Variants in FOXP1 observed in about 807,000 individuals in gnomAD.
FOXP1 encodes the protein forkhead box protein P1.
Under a neutral mutation model 98.2 loss-of-function variants are expected in FOXP1, and 15 were observed. The observed-to-expected ratio is 0.15, with a 90% CI of 0.10 to 0.24. FOXP1 has a LOEUF of 0.24. Among genes scored for constraint, FOXP1 ranks in the 10% least tolerant of loss-of-function variants. The pLI is 1.00. For missense variants in FOXP1, 633 were observed against 848.5 expected (o/e 0.75, Z 3.15); for synonymous variants, 371 against 314.5 (o/e 1.18, Z -1.90).
intron 4 of FOXP1, among the ~76,000 whole-genome samples, chr3:71,315,295 A>G (rs778977128): frequency 1.7e-4 from 26 of 152,126 alleles, no homozygotes; most frequent in Admixed American, 4.6e-4. Flanking sequence ...TTTATCAGCA[A>G]CAGAAATTAA....
At chr3:71,078,555 G>A (rs1475027815) in intron 7 of FOXP1, among the ~76,000 whole-genome samples, 7 of 152,036 alleles carry the variant, frequency 4.6e-5, no homozygotes, top group Non-Finnish European at 1.0e-4. Context: ...AGCTACTCCA[G>A]GGTTTTAAAA....
intron 7 of FOXP1, among the ~76,000 whole-genome samples, chr3:71,109,378 T>C (rs2057718450): frequency 1.3e-5 from 2 of 152,174 alleles, no homozygotes; most frequent in South Asian, 4.1e-4. Context: ...AGCAGGGAAG[T>C]GTGAGATATG....
chr3:71,364,711 A>T (rs1412788042), intron 3 of FOXP1, among the ~76,000 whole-genome samples: 1 of 152,246 alleles, frequency 6.6e-6, no homozygotes, highest in Non-Finnish European at 1.5e-5. Context: ...TACAACTGGT[A>T]GAACATCAGA....
intron 2 of FOXP1, among the ~76,000 whole-genome samples, chr3:71,550,753 T>G (rs756150358): frequency 1.3e-5 from 2 of 152,218 alleles, no homozygotes; most frequent in East Asian, 3.8e-4. Flanking sequence ...CACCAGCTCA[T>G]ATATTCGGGT....
rs727503936 is a variant in FOXP1 at position 70,977,848 on chromosome 3, T to C, written c.1328A>G (p.Tyr443Cys). Reference sequence around the variant, plus strand: ...TCTACCTGACGAAATGGGCACGTTGTATTTGTCTGAGTACCGCCTGCGGAT... The same window carrying C: ...TCTACCTGACGAAATGGGCACGTTGCATTTGTCTGAGTACCGCCTGCGGAT... ...GPIRRRYSDK[Y>C]NVPISSADIA... The change falls in exon 15 of 21, where the codon TAC becomes TGC. Residue 443 changes from tyrosine to cysteine, a missense_variant. Physicochemically the swap from Tyr to Cys is radical, Grantham distance 194. Transcript: ENST00000649528. 36 of 1,614,048 alleles carry C rather than the reference T, an allele frequency of 2.2e-5. No homozygotes were observed. Among genetic ancestry groups the C allele is most frequent in the Non-Finnish European group, 2.7e-5 (32 of 1,180,038 alleles).
At position 70,965,893 on chromosome 3, in the gene FOXP1, G is replaced by A. The variant is rs754297044; in HGVS notation, c.1886C>T (p.Ala629Val). 1.2e-6 allele frequency: 2 copies of A among 1,613,736 alleles called. No homozygotes were observed. Among genetic ancestry groups the A allele is most frequent in the East Asian group, 2.2e-5 (1 of 44,884 alleles). The change falls in exon 20 of 21, where the codon GCC (alanine) becomes GTC (valine). Residue 629 changes from alanine (A) to valine (V), a missense_variant. By Grantham distance (64) the Ala-to-Val change is moderately conservative. Transcript: ENST00000649528. ...DSSPGRSPMQ[A>V]VHPVHVKEEP... ...CTGTTGGGTGGACAATACTCACACG[G>A]CTTGCATAGGAGATCTGCCTGGACT...
intron 3 of FOXP1, among the ~76,000 whole-genome samples, chr3:71,381,987 A>G (rs539968510): frequency 2.6e-5 from 4 of 151,168 alleles, no homozygotes; most frequent in Admixed American, 1.3e-4. Flanking sequence ...GCCTTTAAAA[A>G]TATGAAAACA....
intron 6 of FOXP1, among the ~76,000 whole-genome samples, chr3:71,182,428 T>C (rs576837551): frequency 6.6e-6 from 1 of 152,288 alleles, no homozygotes; most frequent in Admixed American, 6.5e-5. Flanking sequence ...AAAATAACTG[T>C]TCATTTTTAT....
At chr3:71,091,527 C>CAAAA (rs553093199) in intron 7 of FOXP1, among the ~76,000 whole-genome samples, 3 of 146,006 alleles carry the variant, frequency 2.1e-5, no homozygotes, top group Non-Finnish European at 4.5e-5. Flanking sequence ...AACAAACAAA[C>CAAAA]AAAAAAAAAA....
rs1182704902 is a variant in FOXP1, at chr3:71,053,653, C to CCTG, written c.400_402dup (p.Gln134dup). ...ACAATTACCTGTTGAAGCATGAGGG[C>CCTG]CTGCTGCTGCTGGAGGAGAACCTGG... On this transcript the variant is annotated inframe_insertion, in exon 8 of 21. Coordinates refer to ENST00000649528, the MANE Select transcript of FOXP1 (RefSeq NM_001349338.3). 1 of 1,613,906 alleles carries CCTG rather than the reference C, an allele frequency of 6.2e-7. No individual in the cohort carries two copies. The highest frequency in any genetic ancestry group is 8.5e-7 in the Non-Finnish European group (1 of 1,179,998).
chr3:71,029,601 G>A (rs1053939456), intron 11 of FOXP1, among the ~76,000 whole-genome samples: 3 of 152,056 alleles, frequency 2.0e-5, no homozygotes, highest in African/African-American at 7.2e-5. Context: ...ATATTGCCCA[G>A]GCTGGTCTCA....
At chr3:71,365,733 C>T (rs1438789985) in intron 3 of FOXP1, among the ~76,000 whole-genome samples, 2 of 152,156 alleles carry the variant, frequency 1.3e-5, no homozygotes, top group Admixed American at 1.3e-4. Flanking sequence ...GCCTATAATC[C>T]CAGCACTTTG....
chr3:71,467,479 T>A (rs2088888695), intron 3 of FOXP1, among the ~76,000 whole-genome samples: 1 of 152,210 alleles, frequency 6.6e-6, no homozygotes, highest in Non-Finnish European at 1.5e-5. Context: ...AATACATTAT[T>A]CTAAGACACG....
intron 3 of FOXP1, among the ~76,000 whole-genome samples, chr3:71,447,158 C>T (rs549211519): frequency 6.6e-6 from 1 of 152,348 alleles, no homozygotes; most frequent in African/African-American, 2.4e-5. Context: ...TGCCAGTGAT[C>T]ATCCAAATAC....
At chr3:71,521,270 G>T (rs1016764077) in intron 2 of FOXP1, among the ~76,000 whole-genome samples, 12 of 152,202 alleles carry the variant, frequency 7.9e-5, no homozygotes, top group Non-Finnish European at 1.3e-4. Context: ...GGTGGCTCAG[G>T]CCTGTAATCC....
rs959490249 is a variant in FOXP1, at chr3:71,485,777, A to C, written c.-168+7649T>G. 1.3e-4 allele frequency among the ~76,000 whole-genome samples: 20 copies of C among 152,170 alleles called. No individual in the cohort carries two copies. The East Asian group carries it at 3.9e-3, about 29-fold the overall frequency. ...GACAACAAAGAGACTCCATCAAAAA[A>C]AAAAAAAAAAGAACCACAGAAATAA... On this transcript the variant is annotated intron_variant, in intron 3 of 20. Transcript: ENST00000649528.
intron 2 of FOXP1, among the ~76,000 whole-genome samples, chr3:71,498,553 C>T (rs1188201482): frequency 2.6e-5 from 4 of 152,164 alleles, no homozygotes; most frequent in African/African-American, 9.7e-5. Flanking sequence ...TAAATGTAAT[C>T]AAGTATTCCA....
chr3:71,495,247 C>G (rs2091324946), intron 2 of FOXP1, among the ~76,000 whole-genome samples: 1 of 152,212 alleles, frequency 6.6e-6, no homozygotes. Context: ...GACTTAGGGA[C>G]AAAGGCCACT....
intron 3 of FOXP1, among the ~76,000 whole-genome samples, chr3:71,424,720 C>T (rs752051398): frequency 2.0e-5 from 3 of 152,222 alleles, no homozygotes; most frequent in Non-Finnish European, 4.4e-5. Context: ...GTGTCACTGC[C>T]GAGCTGAAGA....
Sources: gnomAD v4.1 joint callset for allele counts (sites outside exome capture counted in the v4.1 genomes callset) on GRCh38, gnomAD v4.1.1 for gene constraint, MANE v1.5 for transcripts, NCBI Gene and HGNC (gene_info 2026-07-23, HGNC 2026-07-21) for gene names.